The following ANKRD29 variants were observed in gnomAD, a reference collection of about 807,000 sequenced individuals.
ANKRD29 encodes ankyrin repeat domain 29.
Under a neutral mutation model 38.0 loss-of-function variants are expected in ANKRD29, and 32 were observed. That is an observed-to-expected ratio of 0.84 (90% CI 0.64 to 1.13). The LOEUF is 1.13. Ranked by LOEUF, ANKRD29 falls within the 50% of genes most tolerant of loss-of-function variation. ANKRD29 has a pLI of 0.00. For missense variants in ANKRD29, 357 were observed against 377.9 expected, an observed-to-expected ratio of 0.94 and a Z score of 0.46; for synonymous variants, 135 against 152.4, an observed-to-expected ratio of 0.89 and a Z score of 0.84.
At chr18:23,620,165 G>A (rs1209514107) in intron 6 of ANKRD29, among the ~76,000 whole-genome samples, 1 of 152,070 alleles carries the variant, frequency 6.6e-6, no homozygotes, top group Admixed American at 6.6e-5. Context: ...GGGGTCTGCG[G>A]GTCAGAGAAC....
intron 9 of ANKRD29, among the ~76,000 whole-genome samples, chr18:23,608,777 C>G (rs910944641): frequency 2.0e-5 from 3 of 152,190 alleles, no homozygotes; most frequent in Non-Finnish European, 4.4e-5. Context: ...GAAAAGACCC[C>G]CTTCTTGCCT....
chr18:23,646,495 G>T, intron 2 of ANKRD29: 1 of 462,392 alleles, frequency 2.2e-6, no homozygotes, highest in Non-Finnish European at 3.9e-6. Context: ...TGGAATTTTC[G>T]ATGTAAAAAT....
At chr18:23,654,446 C>A (rs567867749) in intron 1 of ANKRD29, among the ~76,000 whole-genome samples, 1 of 151,320 alleles carries the variant, frequency 6.6e-6, no homozygotes, top group Non-Finnish European at 1.5e-5. Context: ...AACGTGAAAC[C>A]CTGTTTCTAC....
intron 5 of ANKRD29, among the ~76,000 whole-genome samples, chr18:23,632,053 C>T (rs561110160): frequency 1.3e-5 from 2 of 152,322 alleles, no homozygotes; most frequent in South Asian, 2.1e-4. Flanking sequence ...ACGTGTGTCA[C>T]GTGGAGGGTC....
intron 6 of ANKRD29, among the ~76,000 whole-genome samples, chr18:23,628,136 G>C (rs2059884831): frequency 6.6e-6 from 1 of 152,192 alleles, no homozygotes; most frequent in Non-Finnish European, 1.5e-5. Context: ...GGCTCATGCT[G>C]CTCAGCCTCC....
At position 23,638,937 on chromosome 18, in the gene ANKRD29, G is replaced by C; in HGVS notation, c.242C>G (p.Thr81Ser). ...TTGCTGGGCGGCAAAGAATAGGGCA[G>C]TTGTACCTGACTGGGAGAGAGGGAG... is the stretch of plus-strand genomic sequence containing the variant. The part of the protein sequence containing the change: ...DINLQRESGT[T>S]ALFFAAQQGH... The change falls in exon 4 of 10, where the codon ACT becomes AGT. Residue 81 changes from threonine (T) to serine (S), a missense_variant. Transcript: ENST00000592179. 1 of 1,608,276 alleles carries C rather than the reference G, an allele frequency of 6.2e-7. No homozygotes were observed. The highest frequency in any genetic ancestry group is 8.5e-7 in the Non-Finnish European group (1 of 1,178,300).
intron 8 of ANKRD29, among the ~76,000 whole-genome samples, chr18:23,616,578 G>GTA (rs60639633): frequency 0.054 from 7,143 of 132,860 alleles, 484 homozygotes; most frequent in African/African-American, 0.16. Context: ...TATATATACA[G>GTA]TATATATATA....
chr18:23,642,361 A>T (rs2060088885), intron 3 of ANKRD29, among the ~76,000 whole-genome samples: 1 of 152,154 alleles, frequency 6.6e-6, no homozygotes, highest in East Asian at 1.9e-4. Context: ...CCCAGGCACC[A>T]CTACATTCCC....
In ANKRD29 at chr18:23,662,785, C is replaced by T. The variant is rs1316132008; in HGVS notation, c.-55G>A. On this transcript the variant is annotated 5_prime_UTR_variant, in exon 1 of 10. Coordinates refer to ENST00000592179, the MANE Select transcript of ANKRD29 (RefSeq NM_173505.4). ...CGCTTTGGGCCCGGGGCGCCTTGTC[C>T]TCCCCGGCCCTTCACTCTCCCGGGG... The T allele has an allele frequency of 2.8e-6, 4 of 1,409,526 alleles. No individual in the cohort carries two copies. Among genetic ancestry groups the T allele is most frequent in the East Asian group, 6.3e-5 (2 of 31,742 alleles). The allele number at this position is 1,409,526 out of a possible 1,614,324, so 87.3% of individuals were successfully genotyped here. A position where few individuals can be genotyped will look rare whatever the true frequency, so the allele number is the denominator to read the frequency against.
chr18:23,635,917 A>G (rs1159708087), intron 4 of ANKRD29, among the ~76,000 whole-genome samples: 1 of 152,018 alleles, frequency 6.6e-6, no homozygotes, highest in Non-Finnish European at 1.5e-5. Context: ...TGGGCTTTGA[A>G]GTGTGGGGAA....
At chr18:23,636,238 C>T (rs551191064) in intron 4 of ANKRD29, among the ~76,000 whole-genome samples, 4 of 151,938 alleles carry the variant, frequency 2.6e-5, no homozygotes, top group East Asian at 2.0e-4. Flanking sequence ...TGGGCTCAAG[C>T]GATCTTCCTG....
chr18:23,648,278 A>G (rs2060165834), intron 2 of ANKRD29: 1 of 152,222 alleles, frequency 6.6e-6, no homozygotes, highest in African/African-American at 2.4e-5. Context: ...CCGTAAACCA[A>G]AGATATCCTA....
At chr18:23,624,094 TATACTTTGATATTTTTA>T (rs2059829657) in intron 6 of ANKRD29, among the ~76,000 whole-genome samples, 2 of 152,260 alleles carry the variant, frequency 1.3e-5, no homozygotes, top group South Asian at 4.1e-4. Context: ...AATACTTCCA[TATACTTTGATATTTTTA>T]ATACTTTGAT....
intron 6 of ANKRD29, among the ~76,000 whole-genome samples, chr18:23,624,466 C>CAAAAGAAAAAAAAAAAAAAAAAAAAA (rs2059835398): frequency 3.1e-5 from 1 of 32,436 alleles, no homozygotes; most frequent in Non-Finnish European, 6.9e-5. Context: ...GACTCCATCT[C>CAAAAGAAAAAAAAAAAAAAAAAAAAA]AAAAAAAAAA....
intron 1 of ANKRD29, among the ~76,000 whole-genome samples, chr18:23,658,846 C>T (rs967463148): frequency 9.8e-5 from 15 of 152,318 alleles, no homozygotes; most frequent in Admixed American, 1.3e-4. Flanking sequence ...GGGGCATGCA[C>T]AGGTGGCCAT....
intron 8 of ANKRD29, among the ~76,000 whole-genome samples, chr18:23,615,077 A>G (rs1301815644): frequency 6.6e-6 from 1 of 152,248 alleles, no homozygotes; most frequent in Admixed American, 6.5e-5. Flanking sequence ...GCAGAAGTGC[A>G]AAGATACAAT....
At chr18:23,601,389 C>A in intron 9 of ANKRD29, 80 bp from the exon 10 acceptor site, 1 of 1,135,986 alleles carries the variant, frequency 8.8e-7, no homozygotes, top group Non-Finnish European at 1.3e-6. Flanking sequence ...GCATTTGACC[C>A]ACTCTTTCTC....
At chr18:23,633,832 G>A (rs1162770970) in intron 5 of ANKRD29, among the ~76,000 whole-genome samples, 1 of 152,088 alleles carries the variant, frequency 6.6e-6, no homozygotes, top group Non-Finnish European at 1.5e-5. Context: ...GCCTCCCAAA[G>A]TGCTGGGATT....
At chr18:23,624,585 G>C (rs2059839427) in intron 6 of ANKRD29, among the ~76,000 whole-genome samples, 1 of 145,482 alleles carries the variant, frequency 6.9e-6, no homozygotes, top group Admixed American at 7.0e-5. Flanking sequence ...ATATCAAGTA[G>C]AAAAGGATTT....
Sources: allele counts gnomAD v4.1 joint callset (sites outside exome capture counted in the v4.1 genomes callset), GRCh38; gene constraint gnomAD v4.1.1; transcripts MANE v1.5; gene names NCBI Gene and HGNC (gene_info 2026-07-23, HGNC 2026-07-21).